Variants in PPP2R2A observed in about 807,000 individuals in gnomAD.
PPP2R2A encodes the protein protein phosphatase 2 regulatory subunit Balpha.
A neutral mutation model predicts 53.2 loss-of-function variants in PPP2R2A; 9 were observed. The observed-to-expected ratio is 0.17, with a 90% CI of 0.10 to 0.30. PPP2R2A has a LOEUF of 0.30. Among genes scored for constraint, PPP2R2A ranks in the 10% least tolerant of loss-of-function variants. The probability of loss-of-function intolerance (pLI) is 1.00; values close to 1 mark genes in which losing one functional copy is unlikely to be tolerated. For missense variants in PPP2R2A, 235 were observed against 534.6 expected, an observed-to-expected ratio of 0.44 and a Z score of 5.53; for synonymous variants, 169 against 174.2, an observed-to-expected ratio of 0.97 and a Z score of 0.23.
chr8:26,330,798 C>T (rs1338009023), intron 2 of PPP2R2A, among the ~76,000 whole-genome samples: 1 of 152,106 alleles, frequency 6.6e-6, no homozygotes, highest in African/African-American at 2.4e-5. Context: ...GATTGGAAAC[C>T]AGACAGTGTG....
Position 26,371,467 on chromosome 8 carries a change from A to G in PPP2R2A, c.*1054A>G, listed in dbSNP as rs1336606060. On this transcript the variant is annotated 3_prime_UTR_variant, in exon 10 of 10. Coordinates refer to ENST00000380737, the MANE Select transcript of PPP2R2A (RefSeq NM_002717.4). ...ATGGGAACCAAATTTGTAGAACTTA[A>G]TTTCTACTTTTTAGAGTGCTTAATT... The G allele has an allele frequency of 6.6e-6, 1 of 151,726 alleles. No individual in the cohort carries two copies. The highest frequency in any genetic ancestry group is 1.9e-4 in the East Asian group (1 of 5,178). 9.4% of individuals were successfully genotyped at this position (151,726 alleles called of 1,614,324 possible).
In PPP2R2A at chr8:26,293,319, T is replaced by C. The variant is rs546967116; in HGVS notation, c.8-347T>C. On this transcript the variant is annotated intron_variant, in intron 1 of 9. Transcript: ENST00000380737. The stretch of plus-strand genomic sequence containing the variant: ...CTTATTAACTCTTCTGCAGGCTTTT[T>C]GTACACTTAAGAAAACTCTTTAACT... 5.4e-6 allele frequency: 8 copies of C among 1,486,652 alleles called. No homozygotes were observed. In the East Asian group the frequency reaches 7.4e-5, roughly 14 times the overall value. The allele number at this position is 1,486,652 out of a possible 1,614,324, so 92.1% of individuals were successfully genotyped here. A position where few individuals can be genotyped will look rare whatever the true frequency, so the allele number is the denominator to read the frequency against.
In PPP2R2A at chr8:26,362,481, G is replaced by C. The variant is rs930718386; in HGVS notation, c.638-203G>C. ...GATTGCGCCACTGCACTCCAGCCTG[G>C]GTGACAGAGTGAAACTCCGTCTAAA... On this transcript the variant is annotated intron_variant, in intron 6 of 9. Transcript: ENST00000380737. The surrounding 1 kb of genome is among the most constrained non-coding windows in gnomAD (Gnocchi z 4.4). Among the ~76,000 whole-genome samples the C allele has an allele frequency of 1.3e-5, 2 of 151,968 alleles. No individual in the cohort carries two copies. Among genetic ancestry groups the C allele is most frequent in the African/African-American group, 4.8e-5 (2 of 41,360 alleles).
At chr8:26,363,911 A>G in intron 8 of PPP2R2A, 21 bp downstream of exon 8, 2 of 1,568,552 alleles carry the variant, frequency 1.3e-6, no homozygotes, top group Non-Finnish European at 1.7e-6. Flanking sequence ...TTTTTCTTTC[A>G]ATGAGCATAT....
At chr8:26,330,233 TG>T (rs959655382) in intron 2 of PPP2R2A, among the ~76,000 whole-genome samples, 5 of 152,306 alleles carry the variant, frequency 3.3e-5, no homozygotes, top group South Asian at 2.1e-4. Flanking sequence ...TCAAATAGTA[TG>T]TTTTTTTATT....
Position 26,291,631 on chromosome 8 carries a change from G to A in PPP2R2A, c.-189G>A. The A allele has an allele frequency of 3.2e-6, 2 of 618,820 alleles. No individual in the cohort carries two copies. Among genetic ancestry groups the A allele is most frequent in the South Asian group, 2.0e-5 (1 of 50,930 alleles). The allele number at this position is 618,820 out of a possible 1,614,324, so 38.3% of individuals were successfully genotyped here. On this transcript the variant is annotated 5_prime_UTR_variant, in exon 1 of 10. Coordinates refer to ENST00000380737, the MANE Select transcript of PPP2R2A (RefSeq NM_002717.4). ...AGCACGAGCGGGGAAGCCCCAGAGTGAAATCTAGCATCCTGCCGGCTGGTC... is the reference window on the plus strand; with the variant it reads ...AGCACGAGCGGGGAAGCCCCAGAGTAAAATCTAGCATCCTGCCGGCTGGTC...
In PPP2R2A at chr8:26,354,475, T is replaced by C. The variant is rs373174942; in HGVS notation, c.188T>C (p.Ile63Thr). The C allele has an allele frequency of 1.9e-5, 29 of 1,528,208 alleles. No individual in the cohort carries two copies. The highest frequency in any genetic ancestry group is 2.6e-6 in the Non-Finnish European group (3 of 1,135,940). 94.7% of individuals were successfully genotyped at this position (1,528,208 alleles called of 1,614,324 possible). ...TTTTTGTTTTCATTTTAGAACAAAA[T>C]CCAGTCTCATAGCAGAGGAGAATAT... is the stretch of plus-strand genomic sequence containing the variant. ...VIFQQEQENK[I>T]QSHSRGEYNV... is the part of the protein sequence containing the mutation. The change falls in exon 4 of 10, where the codon ATC becomes ACC. Residue 63 changes from isoleucine (I) to threonine (T), a missense_variant. Ile to Thr is a moderately conservative substitution (Grantham distance 89, BLOSUM62 -1). Transcript: ENST00000380737. This position sits in a 1 kb window ranked among gnomAD's most constrained non-coding sequence, Gnocchi z 4.6.
At chr8:26,326,124 A>T (rs928977202) in intron 2 of PPP2R2A, among the ~76,000 whole-genome samples, 1 of 152,246 alleles carries the variant, frequency 6.6e-6, no homozygotes, top group Non-Finnish European at 1.5e-5. Context: ...GGTGTGAGCC[A>T]CCATGTTGGC....
chr8:26,316,641 C>G (rs183080121), intron 2 of PPP2R2A, among the ~76,000 whole-genome samples: 17 of 152,318 alleles, frequency 1.1e-4, no homozygotes, highest in Admixed American at 1.1e-3. Context: ...AAACAACAGA[C>G]ATTTATTTCT....
At chr8:26,351,770 C>T (rs568158435) in intron 3 of PPP2R2A, among the ~76,000 whole-genome samples, 14 of 152,320 alleles carry the variant, frequency 9.2e-5, no homozygotes, top group African/African-American at 3.4e-4. Context: ...GTTTCATTGG[C>T]ACATTGGTGT....
chr8:26,311,843 G>A (rs1802305817), intron 2 of PPP2R2A, among the ~76,000 whole-genome samples: 1 of 151,998 alleles, frequency 6.6e-6, no homozygotes, highest in Admixed American at 6.6e-5. Context: ...GGGGTGGGGT[G>A]CACCTAGAAC....
Position 26,360,117 on chromosome 8 carries a change from A to C in PPP2R2A, c.347-52A>C. On this transcript the variant is annotated intron_variant, in intron 4 of 9. Coordinates refer to ENST00000380737, the MANE Select transcript of PPP2R2A (RefSeq NM_002717.4). The surrounding 1 kb of genome is among the most constrained non-coding windows in gnomAD (Gnocchi z 4.5). ...GAAATAGCATATTTTAAATGCCTTA[A>C]AATGTTTTTCTTCTTCAGTATTTTA... 9.6e-7 allele frequency: 1 copy of C among 1,043,004 alleles called. No homozygotes were observed. The highest frequency in any genetic ancestry group is 1.4e-6 in the Non-Finnish European group (1 of 694,516). The allele number at this position is 1,043,004 out of a possible 1,614,324, so 64.6% of individuals were successfully genotyped here.
In PPP2R2A at chr8:26,360,077, T is replaced by C; in HGVS notation, c.347-92T>C. The C allele has an allele frequency of 1.6e-6, 1 of 644,852 alleles. No individual in the cohort carries two copies. Among genetic ancestry groups the C allele is most frequent in the Non-Finnish European group, 2.5e-6 (1 of 392,670 alleles). The allele number at this position is 644,852 out of a possible 1,614,324, so 39.9% of individuals were successfully genotyped here. ...GGTTTTTTTTTTTTTCGTGGAATCC[T>C]TTTACGTGAAATGTGAAATAGCATA... is the stretch of plus-strand genomic sequence containing the variant. On this transcript the variant is annotated intron_variant, in intron 4 of 9. Coordinates refer to ENST00000380737, the MANE Select transcript of PPP2R2A (RefSeq NM_002717.4). This position sits in a 1 kb window ranked among gnomAD's most constrained non-coding sequence, Gnocchi z 4.5.
intron 2 of PPP2R2A, among the ~76,000 whole-genome samples, chr8:26,313,075 G>C (rs1802367561): frequency 7.2e-6 from 1 of 139,168 alleles, no homozygotes; most frequent in African/African-American, 2.7e-5. Flanking sequence ...ATCTTGTTCT[G>C]TCGCCCAGGC....
At chr8:26,368,318 A>G (rs1805486102) in intron 9 of PPP2R2A, among the ~76,000 whole-genome samples, 1 of 152,236 alleles carries the variant, frequency 6.6e-6, no homozygotes. Context: ...ATTACTTTGA[A>G]CAATTCCCCA....
Position 26,354,634 on chromosome 8 carries a change from G to A in PPP2R2A, c.346+1G>A. ...GCTCAGTTTTTATTGTCTACCAATGGTAAGTATACATATTTTCTTTCCATG... is the reference window on the plus strand; with the variant it reads ...GCTCAGTTTTTATTGTCTACCAATGATAAGTATACATATTTTCTTTCCATG... On this transcript the variant is annotated splice_donor_variant, in intron 4 of 9. Transcript: ENST00000380737. LOFTEE classifies it high-confidence loss of function. The surrounding 1 kb of genome is among the most constrained non-coding windows in gnomAD (Gnocchi z 4.6). The A allele has an allele frequency of 6.3e-7, 1 of 1,597,198 alleles. No individual in the cohort carries two copies. The highest frequency in any genetic ancestry group is 8.5e-7 in the Non-Finnish European group (1 of 1,170,920).
intron 2 of PPP2R2A, among the ~76,000 whole-genome samples, chr8:26,322,190 C>T (rs568334078): frequency 1.3e-5 from 2 of 152,266 alleles, no homozygotes; most frequent in African/African-American, 4.8e-5. Flanking sequence ...GGAAGGAGTT[C>T]TTAAGTGAAA....
chr8:26,324,638 G>T (rs1220174510), intron 2 of PPP2R2A, among the ~76,000 whole-genome samples: 1 of 152,194 alleles, frequency 6.6e-6, no homozygotes, highest in Non-Finnish European at 1.5e-5. Context: ...CTGGGGCATT[G>T]CCTCGCCAAG....
chr8:26,321,942 T>G lies in PPP2R2A; in HGVS notation c.83-16948T>G, dbSNP rs1802861456. ...ACTTGGTTCTAATGTGTTTTCTGGT[T>G]GAACCCAACACAGTACCCAATATTA... On this transcript the variant is annotated intron_variant, in intron 2 of 9. Transcript: ENST00000380737. The surrounding 1 kb of genome is among the most constrained non-coding windows in gnomAD (Gnocchi z 4.1). Among the ~76,000 whole-genome samples, 1 of 152,246 alleles carries G rather than the reference T, an allele frequency of 6.6e-6. No individual in the cohort carries two copies. Among genetic ancestry groups the G allele is most frequent in the Non-Finnish European group, 1.5e-5 (1 of 68,034 alleles).
Sources: gnomAD v4.1 joint callset for allele counts (sites outside exome capture counted in the v4.1 genomes callset) on GRCh38, gnomAD v4.1.1 for gene constraint, Gnocchi (gnomAD v3.1) non-coding constraint, MANE v1.5 for transcripts, NCBI Gene and HGNC (gene_info 2026-07-23, HGNC 2026-07-21) for gene names.